RBFOX1: variants seen among roughly 807,000 people sequenced by gnomAD.
The protein encoded by RBFOX1 is RNA binding fox-1 homolog 1, also known as RNA binding protein fox-1 homolog 1.
RBFOX1 carries 8 observed loss-of-function variants against 57.7 expected under a neutral mutation model. The observed-to-expected ratio is 0.14, with a 90% CI of 0.08 to 0.25. RBFOX1 has a LOEUF of 0.25. RBFOX1 is among the 10% of genes least tolerant of loss of function. The pLI, the probability that RBFOX1 is intolerant of heterozygous loss-of-function variation, is 1.00. For missense variants in RBFOX1, 611 were observed against 548.5 expected, an observed-to-expected ratio of 1.11 and a Z score of -1.14; for synonymous variants, 326 against 222.4, an observed-to-expected ratio of 1.47 and a Z score of -4.15.
intron 4 of RBFOX1, among the ~76,000 whole-genome samples, chr16:7,392,401 C>G (rs190752247): frequency 7.2e-4 from 109 of 152,262 alleles, no homozygotes; most frequent in Non-Finnish European, 1.1e-3. Flanking sequence ...GAGGAAATGC[C>G]TTGGTCATCA....
intron 3 of RBFOX1, among the ~76,000 whole-genome samples, chr16:6,989,557 T>C (rs1344443400): frequency 6.6e-6 from 1 of 152,122 alleles, no homozygotes; most frequent in Non-Finnish European, 1.5e-5. Flanking sequence ...CAGGGATGGA[T>C]ATAAAGAATA....
At chr16:5,575,677 G>A (rs1449958792) in intron 2 of RBFOX1, among the ~76,000 whole-genome samples, 1 of 152,200 alleles carries the variant, frequency 6.6e-6, no homozygotes, top group Non-Finnish European at 1.5e-5. Context: ...GTGGAGTGTG[G>A]ACCTAACCAG....
chr16:6,726,534 T>C (rs2067229691), intron 3 of RBFOX1, among the ~76,000 whole-genome samples: 1 of 152,146 alleles, frequency 6.6e-6, no homozygotes. Flanking sequence ...TGCCTGGACA[T>C]GTTCAGGTTC....
intron 3 of RBFOX1, among the ~76,000 whole-genome samples, chr16:6,790,184 T>TTAGTAG (rs1555469970): frequency 6.8e-6 from 1 of 147,168 alleles, no homozygotes; most frequent in African/African-American, 2.5e-5. Context: ...ATTATTATTA[T>TTAGTAG]TATTATTATT....
At chr16:6,166,958 A>G (rs1304115975) in intron 1 of RBFOX1, among the ~76,000 whole-genome samples, 1 of 151,966 alleles carries the variant, frequency 6.6e-6, no homozygotes, top group Non-Finnish European at 1.5e-5. Flanking sequence ...TATTTTTAAT[A>G]GAGTCGGGGT....
chr16:6,641,804 C>T (rs947608588), intron 2 of RBFOX1, among the ~76,000 whole-genome samples: 16 of 148,524 alleles, frequency 1.1e-4, no homozygotes, highest in Admixed American at 4.0e-4. Context: ...GCCTTTCAGG[C>T]CTGGCCTTGT....
chr16:7,101,642 G>T (rs554802963), intron 4 of RBFOX1, among the ~76,000 whole-genome samples: 10 of 152,104 alleles, frequency 6.6e-5, no homozygotes, highest in African/African-American at 2.4e-4. Context: ...TTATTCAAAG[G>T]TACTTTTTTT....
At chr16:6,538,866 T>A (rs1163256557) in intron 2 of RBFOX1, among the ~76,000 whole-genome samples, 2 of 152,174 alleles carry the variant, frequency 1.3e-5, no homozygotes, top group East Asian at 3.9e-4. Context: ...AAACTTACTA[T>A]TTTAGATTGA....
intron 1 of RBFOX1, among the ~76,000 whole-genome samples, chr16:6,095,049 T>G (rs2012487): frequency 0.94 from 143,406 of 152,226 alleles, 67,635 homozygotes; most frequent in African/African-American, 0.97. Context: ...AACAGAGTGA[T>G]ACTCCATCTC....
At chr16:6,640,482 C>T (rs534419480) in intron 2 of RBFOX1, among the ~76,000 whole-genome samples, 8 of 151,990 alleles carry the variant, frequency 5.3e-5, no homozygotes, top group African/African-American at 1.2e-4. Flanking sequence ...AGAGCAGGCA[C>T]CTGTAATCCC....
At chr16:5,640,376 T>TCATGCATGCATG (rs199874101) in intron 3 of RBFOX1, among the ~76,000 whole-genome samples, 1 of 151,930 alleles carries the variant, frequency 6.6e-6, no homozygotes, top group Non-Finnish European at 1.5e-5. Context: ...CACATGTACA[T>TCATGCATGCATG]CATGCATGCA....
At chr16:6,732,154 C>T (rs2068775495) in intron 3 of RBFOX1, among the ~76,000 whole-genome samples, 2 of 152,162 alleles carry the variant, frequency 1.3e-5, no homozygotes, top group Non-Finnish European at 2.9e-5. Flanking sequence ...TTCCCCTATA[C>T]ATCTGATCCC....
intron 4 of RBFOX1, among the ~76,000 whole-genome samples, chr16:7,122,999 G>T (rs2067548094): frequency 6.6e-6 from 1 of 152,066 alleles, no homozygotes; most frequent in Non-Finnish European, 1.5e-5. Flanking sequence ...AAGAAAGAAA[G>T]CTGTAGGTTT....
chr16:6,790,874 A>C (rs951363290), intron 3 of RBFOX1, among the ~76,000 whole-genome samples: 3 of 152,072 alleles, frequency 2.0e-5, no homozygotes, highest in Non-Finnish European at 2.9e-5. Context: ...AATTATGGTA[A>C]AGGATGGTAT....
chr16:6,129,572 G>C (rs1258024637), intron 1 of RBFOX1, among the ~76,000 whole-genome samples: 2 of 151,996 alleles, frequency 1.3e-5, no homozygotes, highest in African/African-American at 2.4e-5. Flanking sequence ...AAGCATAGAG[G>C]TAGGGAGGAG....
intron 1 of RBFOX1, among the ~76,000 whole-genome samples, chr16:6,168,514 C>G (rs946591170): frequency 6.6e-6 from 1 of 152,162 alleles, no homozygotes; most frequent in Non-Finnish European, 1.5e-5. Flanking sequence ...AGCAATTCAA[C>G]CTTGAAAATG....
At chr16:7,180,105 A>G (rs551996337) in intron 4 of RBFOX1, among the ~76,000 whole-genome samples, 2 of 152,248 alleles carry the variant, frequency 1.3e-5, no homozygotes, top group East Asian at 1.9e-4. Context: ...TTTTGTCCAC[A>G]GCAGCCCTGA....
chr16:6,089,900 G>T (rs1215092694), intron 1 of RBFOX1, among the ~76,000 whole-genome samples: 1 of 152,208 alleles, frequency 6.6e-6, no homozygotes, highest in Non-Finnish European at 1.5e-5. Context: ...CATGGCTGCT[G>T]TAATAAATGA....
chr16:6,029,537 G>C (rs1448178091), intron 1 of RBFOX1, among the ~76,000 whole-genome samples: 1 of 152,186 alleles, frequency 6.6e-6, no homozygotes, highest in Non-Finnish European at 1.5e-5. Context: ...ACTTTGGGAG[G>C]CTGAGGCGGG....
Sources: gnomAD v4.1 joint callset for allele counts (sites outside exome capture counted in the v4.1 genomes callset) on GRCh38, gnomAD v4.1.1 for gene constraint, MANE v1.5 for transcripts, NCBI Gene and HGNC (gene_info 2026-07-23, HGNC 2026-07-21) for gene names.